SIPA1L2: variants seen among roughly 807,000 people sequenced by gnomAD.
The protein encoded by SIPA1L2 is signal-induced proliferation-associated 1-like protein 2.
In SIPA1L2, 56 loss-of-function variants were observed where a neutral mutation model predicts 163.9. That is an observed-to-expected ratio of 0.34 (90% CI 0.28 to 0.43). SIPA1L2 has a LOEUF of 0.43. Among genes scored for constraint, SIPA1L2 ranks in the 20% least tolerant of loss-of-function variants. The pLI, the probability that SIPA1L2 is intolerant of heterozygous loss-of-function variation, is 1.00. For synonymous variants in SIPA1L2, 877 were observed against 865.7 expected (o/e 1.01, Z -0.23); for missense variants, 1,974 against 2,193.5 (o/e 0.90, Z 2.00).
At chr1:232,493,993 G>A (rs1666056055) in intron 3 of SIPA1L2, among the ~76,000 whole-genome samples, 1 of 152,094 alleles carries the variant, frequency 6.6e-6, no homozygotes, top group Non-Finnish European at 1.5e-5. Flanking sequence ...AGAGGAACAT[G>A]GCTACTTGTA....
At chr1:232,400,792 C>T (rs940010741) in intron 22 of SIPA1L2, among the ~76,000 whole-genome samples, 2 of 152,156 alleles carry the variant, frequency 1.3e-5, no homozygotes, top group African/African-American at 4.8e-5. Flanking sequence ...CAGTGATCTT[C>T]AAACCCCACC....
chr1:232,599,575 C>A (rs1186289615), intron 1 of SIPA1L2, among the ~76,000 whole-genome samples: 1 of 152,218 alleles, frequency 6.6e-6, no homozygotes, highest in African/African-American at 2.4e-5. Flanking sequence ...TGTGACTCCA[C>A]AGTAGGAAGC....
intron 2 of SIPA1L2, among the ~76,000 whole-genome samples, chr1:232,541,301 C>CATA (rs1318643707): frequency 6.7e-6 from 1 of 148,740 alleles, no homozygotes; most frequent in Admixed American, 6.8e-5. Flanking sequence ...CATAACATAA[C>CATA]AGAATATATC....
intron 2 of SIPA1L2, among the ~76,000 whole-genome samples, chr1:232,524,162 A>G (rs936466712): frequency 6.6e-6 from 1 of 152,244 alleles, no homozygotes; most frequent in Non-Finnish European, 1.5e-5. Flanking sequence ...ATTCAGTTCT[A>G]CCAGGGCACT....
chr1:232,493,679 G>C lies in SIPA1L2; in HGVS notation c.1484-19C>G, dbSNP rs750515899. 1 of 1,612,652 alleles carries C rather than the reference G, an allele frequency of 6.2e-7. No individual in the cohort carries two copies. The highest frequency in any genetic ancestry group is 1.1e-5 in the South Asian group (1 of 90,686). On this transcript the variant is annotated intron_variant, in intron 3 of 22. Coordinates refer to ENST00000674635, the MANE Select transcript of SIPA1L2 (RefSeq NM_020808.5). ...TGGTGCTCTATAATGGAAGAGAGAG[G>C]GTGGCATCAAAAGAATGAAAAAGGA...
At chr1:232,527,725 CTTTTTTT>C (rs57868657) in intron 2 of SIPA1L2, among the ~76,000 whole-genome samples, 19 of 80,942 alleles carry the variant, frequency 2.3e-4, no homozygotes, top group East Asian at 1.2e-3. Context: ...TCTTCTTCTT[CTTTTTTT>C]TTTTTTTTTT....
chr1:232,501,737 T>C (rs549521093), intron 3 of SIPA1L2, among the ~76,000 whole-genome samples: 53 of 152,346 alleles, frequency 3.5e-4, no homozygotes, highest in African/African-American at 1.3e-3. Context: ...TAACCAGCCC[T>C]GTTTTCACTC....
chr1:232,545,638 T>G (rs1657985762), intron 2 of SIPA1L2, among the ~76,000 whole-genome samples: 1 of 152,218 alleles, frequency 6.6e-6, no homozygotes, highest in African/African-American at 2.4e-5. Context: ...AATTGTTTTT[T>G]AAAAATTCAA....
intron 18 of SIPA1L2, among the ~76,000 whole-genome samples, chr1:232,417,061 T>A (rs566885508): frequency 6.6e-6 from 1 of 152,306 alleles, no homozygotes; most frequent in East Asian, 1.9e-4. Flanking sequence ...ATCAAAATAA[T>A]GACCACCTGG....
At position 232,519,763 on chromosome 1, in the gene SIPA1L2, C is replaced by T. The variant is rs77339320; in HGVS notation, c.-269-4155G>A. Among the ~76,000 whole-genome samples the T allele has an allele frequency of 6.2e-3, 941 of 152,322 alleles. 4 individuals are homozygous for T. The highest frequency in any genetic ancestry group is 7.4e-3 in the Non-Finnish European group (506 of 68,020). On this transcript the variant is annotated intron_variant, in intron 2 of 22. Coordinates refer to ENST00000674635, the MANE Select transcript of SIPA1L2 (RefSeq NM_020808.5). ...AAAAAGATGTAGAATAAACTGGATCCTCATTGTACATGTATATGGTGAGTG... is the reference window on the plus strand; with the variant it reads ...AAAAAGATGTAGAATAAACTGGATCTTCATTGTACATGTATATGGTGAGTG...
chr1:232,402,398 A>C lies in SIPA1L2; in HGVS notation c.5016T>G (p.Leu1672=), dbSNP rs1660397342. The part of the protein sequence containing the change: ...ELILRQLQTD[L]RKEKQDKAVL... ...TGCTCTTCCAATTGATTACCTTCCG[A>C]AGGTCGGTCTGGAGTTGTCGAAGAA... The change falls in exon 22 of 23, where the codon CTT becomes CTG. Residue 1672 remains leucine (L), a synonymous_variant. Coordinates refer to ENST00000674635, the MANE Select transcript of SIPA1L2 (RefSeq NM_020808.5). 6.2e-7 allele frequency: 1 copy of C among 1,613,118 alleles called. No homozygotes were observed. The highest frequency in any genetic ancestry group is 1.3e-5 in the African/African-American group (1 of 74,900).
rs140348870 is a variant in SIPA1L2, at chr1:232,541,233, CACATA to C, written c.-269-25630_-269-25626del. 7.0e-3 allele frequency among the ~76,000 whole-genome samples: 943 copies of C among 135,308 alleles called. 16 individuals carry two copies. Among genetic ancestry groups the C allele is most frequent in the African/African-American group, 0.025 (897 of 35,360 alleles). 88.8% of individuals were successfully genotyped at this position (135,308 alleles called of 152,430 possible). A position where few individuals can be genotyped will look rare whatever the true frequency, so the allele number is the denominator to read the frequency against. ...TAACACACCTGCACATGTATCACAT[CACATA>C]ACATAACATTAACATAACATAACAT... On this transcript the variant is annotated intron_variant, in intron 2 of 22. Transcript: ENST00000674635.
rs777975982 is a variant in SIPA1L2 at position 232,471,489 on chromosome 1, T to C, written c.2125A>G (p.Ile709Val). ...KRHIGNDIVTIVFQEPGALPF... is the reference protein window; with the variant it reads ...KRHIGNDIVTVVFQEPGALPF... ...AGTGCCCCAGGCTCCTGGAAGACGA[T>C]GGTGACGATGTCATTTCCTATGTGC... Residue 709 changes from isoleucine (I) to valine (V), a missense_variant, in exon 8 of 23, where the codon ATC becomes GTC. Around this residue, in one of 3 missense-constraint regions of SIPA1L2, gnomAD observed 288 missense variants for 418.9 expected, o/e 0.69. Coordinates refer to ENST00000674635, the MANE Select transcript of SIPA1L2 (RefSeq NM_020808.5). The C allele has an allele frequency of 6.2e-7, 1 of 1,614,040 alleles. No individual in the cohort carries two copies. Among genetic ancestry groups the C allele is most frequent in the Non-Finnish European group, 8.5e-7 (1 of 1,179,940 alleles).
At chr1:232,601,517 T>C (rs979783423) in intron 1 of SIPA1L2, among the ~76,000 whole-genome samples, 1 of 152,228 alleles carries the variant, frequency 6.6e-6, no homozygotes, top group African/African-American at 2.4e-5. Flanking sequence ...TCTTTGATGA[T>C]TAATTATAGC....
chr1:232,544,516 C>T (rs557410070), intron 2 of SIPA1L2, among the ~76,000 whole-genome samples: 40 of 151,688 alleles, frequency 2.6e-4, no homozygotes, highest in African/African-American at 8.0e-4. Context: ...GCCGAGATTA[C>T]GCCACTGCAC....
At chr1:232,594,303 T>C (rs11809103) in intron 1 of SIPA1L2, among the ~76,000 whole-genome samples, 4,252 of 152,264 alleles carry the variant, frequency 0.028, 190 homozygotes, top group African/African-American at 0.096. Flanking sequence ...CGGGCAGAGC[T>C]GGCTGTGGGG....
At chr1:232,412,786 C>T (rs1029171031) in intron 19 of SIPA1L2, among the ~76,000 whole-genome samples, 10 of 152,178 alleles carry the variant, frequency 6.6e-5, no homozygotes, top group African/African-American at 1.9e-4. Context: ...AAAAATTAAA[C>T]ACGTCATTAA....
intron 2 of SIPA1L2, among the ~76,000 whole-genome samples, chr1:232,535,563 T>C (rs750824649): frequency 6.6e-6 from 1 of 152,206 alleles, no homozygotes; most frequent in Admixed American, 6.5e-5. Context: ...CAGTTACAAA[T>C]GCTATCCCAG....
intron 1 of SIPA1L2, among the ~76,000 whole-genome samples, chr1:232,594,516 C>CT (rs1661144550): frequency 6.6e-6 from 1 of 152,132 alleles, no homozygotes; most frequent in African/African-American, 2.4e-5. Context: ...TCTGGAGTAG[C>CT]TATGGCCAGA....
Sources: allele counts gnomAD v4.1 joint callset (sites outside exome capture counted in the v4.1 genomes callset), GRCh38; gene constraint gnomAD v4.1.1; regional missense constraint gnomAD v4.1.1; transcripts MANE v1.5; gene names NCBI Gene and HGNC (gene_info 2026-07-23, HGNC 2026-07-21).